The following FMN1 variants were observed in gnomAD, a reference collection of about 807,000 sequenced individuals.
FMN1 encodes the protein formin 1, also known as formin-1.
FMN1 carries 110 observed loss-of-function variants against 132.4 expected under a neutral mutation model. The ratio of observed to expected loss-of-function variants is 0.83; its 90% CI spans 0.71 to 0.97. FMN1 has a LOEUF of 0.97. FMN1 is among the 50% of genes least tolerant of loss of function. The pLI, the probability that FMN1 is intolerant of heterozygous loss-of-function variation, is 0.00. For synonymous variants in FMN1, 722 were observed against 651.7 expected (o/e 1.11, Z -1.64); for missense variants, 1,792 against 1,705.3 (o/e 1.05, Z -0.90).
At chr15:33,070,551 A>G (rs769888621) in intron 5 of FMN1, among the ~76,000 whole-genome samples, 2 of 152,136 alleles carry the variant, frequency 1.3e-5, no homozygotes, top group Non-Finnish European at 2.9e-5. Context: ...GAGCAGAATT[A>G]TAAGGTTTCA....
In FMN1 at chr15:33,126,565, T is replaced by C. The variant is rs572064351; in HGVS notation, c.1867+26483A>G. ...AAAAACTCCATAGATTTAGCTGAAG[T>C]TCTTAGCACTTCTGCCCATTCTTCA... On this transcript the variant is annotated intron_variant, in intron 4 of 20. Transcript: ENST00000616417. Among the ~76,000 whole-genome samples, 44 of 152,056 alleles carry C rather than the reference T, an allele frequency of 2.9e-4. 1 individual carries two copies. The highest frequency in any genetic ancestry group is 1.4e-3 in the East Asian group (7 of 5,150).
chr15:32,835,462 A>G (rs1226962401), intron 17 of FMN1, among the ~76,000 whole-genome samples: 1 of 152,204 alleles, frequency 6.6e-6, no homozygotes, highest in Non-Finnish European at 1.5e-5. Context: ...CAGATGCCCT[A>G]TTATCCCAAT....
At chr15:32,986,454 A>ATCTGATGTAT (rs2033075621) in intron 7 of FMN1, among the ~76,000 whole-genome samples, 2 of 152,172 alleles carry the variant, frequency 1.3e-5, no homozygotes, top group Non-Finnish European at 2.9e-5. Flanking sequence ...ATTTGAATTC[A>ATCTGATGTAT]CAAAGATCTG....
chr15:32,993,489 G>A (rs1209540081), intron 7 of FMN1, among the ~76,000 whole-genome samples: 2 of 151,256 alleles, frequency 1.3e-5, no homozygotes, highest in South Asian at 2.1e-4. Flanking sequence ...CCTGTCTACA[G>A]AGACAAGTAA....
chr15:33,083,094 G>A (rs1301849828), intron 5 of FMN1, among the ~76,000 whole-genome samples: 4 of 152,064 alleles, frequency 2.6e-5, no homozygotes, highest in Non-Finnish European at 5.9e-5. Flanking sequence ...CTACACCAAA[G>A]TACCAGTTGT....
chr15:32,822,204 C>T (rs139335789), intron 17 of FMN1, among the ~76,000 whole-genome samples: 102 of 152,146 alleles, frequency 6.7e-4, no homozygotes, highest in African/African-American at 2.5e-3. Flanking sequence ...CAAAAATTAG[C>T]CAGGTGTGGT....
chr15:32,930,643 T>A (rs1401251317), intron 9 of FMN1, among the ~76,000 whole-genome samples: 2 of 152,144 alleles, frequency 1.3e-5, no homozygotes, highest in Non-Finnish European at 2.9e-5. Flanking sequence ...TTTACTCCGT[T>A]GATTGTTTCC....
intron 12 of FMN1, among the ~76,000 whole-genome samples, chr15:32,902,590 T>TC (rs2060324090): frequency 6.6e-6 from 1 of 152,244 alleles, no homozygotes; most frequent in Non-Finnish European, 1.5e-5. Context: ...GTTTACTTTT[T>TC]CACATTAACT....
intron 2 of FMN1, among the ~76,000 whole-genome samples, chr15:33,189,165 T>C (rs1171989605): frequency 6.6e-6 from 1 of 152,178 alleles, no homozygotes; most frequent in African/African-American, 2.4e-5. Flanking sequence ...ACCTCCATTA[T>C]GTGTGATATG....
At chr15:32,798,710 T>G in intron 19 of FMN1, 94 bp downstream of exon 19, 1 of 1,132,414 alleles carries the variant, frequency 8.8e-7, no homozygotes, top group South Asian at 1.7e-5. Flanking sequence ...AAAGAAAACA[T>G]CGACAGGTGT....
chr15:33,049,895 A>G (rs1217909333), intron 6 of FMN1, among the ~76,000 whole-genome samples: 1 of 152,218 alleles, frequency 6.6e-6, no homozygotes. Flanking sequence ...TGATTCTGCC[A>G]TGATTCTAGG....
intron 6 of FMN1, among the ~76,000 whole-genome samples, chr15:33,043,300 T>G (rs994023786): frequency 6.6e-6 from 1 of 152,204 alleles, no homozygotes; most frequent in Non-Finnish European, 1.5e-5. Flanking sequence ...CAAATGGAGG[T>G]GTAAACCGAC....
chr15:33,072,300 T>C (rs769926394), intron 5 of FMN1, among the ~76,000 whole-genome samples: 22 of 152,042 alleles, frequency 1.4e-4, no homozygotes, highest in Non-Finnish European at 2.2e-4. Context: ...ATATGAAGGG[T>C]TGACTTTTCA....
intron 9 of FMN1, among the ~76,000 whole-genome samples, chr15:32,961,633 C>G (rs2030566555): frequency 6.6e-6 from 1 of 152,106 alleles, no homozygotes; most frequent in Admixed American, 6.5e-5. Context: ...GTAACAGTAG[C>G]AAAAACAAGA....
At chr15:32,827,054 T>C (rs891350462) in intron 17 of FMN1, among the ~76,000 whole-genome samples, 3 of 152,200 alleles carry the variant, frequency 2.0e-5, no homozygotes, top group African/African-American at 7.2e-5. Flanking sequence ...GCTCTGAATA[T>C]GCGTTTATTT....
intron 4 of FMN1, among the ~76,000 whole-genome samples, chr15:33,115,214 A>C (rs138997633): frequency 0.016 from 2,409 of 152,326 alleles, 36 homozygotes; most frequent in Non-Finnish European, 0.025. Context: ...AGAGTACTTA[A>C]GAAATAAAGA....
rs932033161 is a variant in FMN1 at position 33,162,458 on chromosome 15, T to G, written c.-131-7413A>C. ...AAAAGGAGAGTCAACATCATGTTTGTAGAATCAGAATAACACTTCAGGCAG... is the reference window on the plus strand; with the variant it reads ...AAAAGGAGAGTCAACATCATGTTTGGAGAATCAGAATAACACTTCAGGCAG... On this transcript the variant is annotated intron_variant, in intron 3 of 20. Coordinates refer to ENST00000616417, the MANE Select transcript of FMN1 (RefSeq NM_001277313.2). 9.3e-5 allele frequency among the ~76,000 whole-genome samples: 14 copies of G among 150,388 alleles called. No individual in the cohort carries two copies. In the East Asian group the frequency reaches 1.2e-3, roughly 13 times the overall value.
At chr15:33,057,128 G>C (rs2037253129) in intron 6 of FMN1, among the ~76,000 whole-genome samples, 1 of 152,320 alleles carries the variant, frequency 6.6e-6, no homozygotes, top group South Asian at 2.1e-4. Context: ...AGTGAGCTGA[G>C]ATGGCACCAC....
At chr15:33,184,963 T>C (rs908549322) in intron 2 of FMN1, among the ~76,000 whole-genome samples, 3 of 152,202 alleles carry the variant, frequency 2.0e-5, no homozygotes, top group African/African-American at 7.2e-5. Flanking sequence ...ACGTTATATG[T>C]GTGCTTATAT....
Sources: allele counts gnomAD v4.1 joint callset (sites outside exome capture counted in the v4.1 genomes callset), GRCh38; gene constraint gnomAD v4.1.1; transcripts MANE v1.5; gene names NCBI Gene and HGNC (gene_info 2026-07-23, HGNC 2026-07-21).